Variants in MYO7B observed in about 807,000 individuals in gnomAD.
MYO7B encodes the protein unconventional myosin-VIIb.
In MYO7B, 212 loss-of-function variants were observed where a neutral mutation model predicts 259.7. The ratio of observed to expected loss-of-function variants is 0.82; its 90% confidence interval spans 0.73 to 0.91. The LOEUF (loss-of-function observed/expected upper bound fraction) is 0.91. MYO7B is among the 40% of genes least tolerant of loss of function. The pLI is 0.00. For missense variants in MYO7B, 2,732 were observed against 2,813.5 expected (o/e 0.97, Z 0.66); for synonymous variants, 1,197 against 1,166.4 (o/e 1.03, Z -0.54).
intron 6 of MYO7B, among the ~76,000 whole-genome samples, chr2:127,573,221 AG>A (rs1442541252): frequency 2.6e-5 from 4 of 152,248 alleles, no homozygotes; most frequent in Admixed American, 6.5e-5. Context: ...TCAGTCTTCT[AG>A]AACAAATCAA....
At chr2:127,599,762 G>A (rs1335799567) in intron 19 of MYO7B, among the ~76,000 whole-genome samples, 2 of 152,150 alleles carry the variant, frequency 1.3e-5, no homozygotes, top group African/African-American at 4.8e-5. Context: ...TGCATCAGTT[G>A]ATAATGATAT....
chr2:127,577,339 C>T lies in MYO7B; in HGVS notation c.849+631C>T, dbSNP rs559045462. 5.6e-4 allele frequency among the ~76,000 whole-genome samples: 85 copies of T among 152,314 alleles called. No homozygotes were observed. Among genetic ancestry groups the T allele is most frequent in the Non-Finnish European group, 1.1e-3 (76 of 68,014 alleles). ...CCTAGACTTCATGGGTCCCCCATCG[C>T]CAGTCTTGACCTCTAATCTGTCATC... On this transcript the variant is annotated intron_variant, in intron 8 of 47. Coordinates refer to ENST00000409816, the MANE Select transcript of MYO7B (RefSeq NM_001393586.1). The surrounding 1 kb of genome is among the most constrained non-coding windows in gnomAD (Gnocchi z 5.2).
intron 29 of MYO7B, among the ~76,000 whole-genome samples, 160 bp from the exon 30 acceptor site, chr2:127,623,933 C>T (rs1361150293): frequency 6.6e-6 from 1 of 152,302 alleles, no homozygotes; most frequent in East Asian, 1.9e-4. Flanking sequence ...GTGGAGAAGC[C>T]CTTCAGGTGT....
Position 127,633,333 on chromosome 2 carries a change from C to T in MYO7B, c.5481C>T (p.His1827=), listed in dbSNP as rs1396843922. 1 of 1,612,970 alleles carries T rather than the reference C, an allele frequency of 6.2e-7. No homozygotes were observed. The highest frequency in any genetic ancestry group is 1.7e-5 in the Admixed American group (1 of 59,978). The stretch of plus-strand genomic sequence containing the variant: ...AGCAGAACGTCTCCCGCATCTGCCA[C>T]AAGATCTACTTCCCCAATGACACCA... The part of the protein sequence containing the change: ...AAEQNVSRIC[H]KIYFPNDTSE... Residue 1827 remains histidine (H), a synonymous_variant, in exon 40 of 48, where the codon CAC becomes CAT. Coordinates refer to ENST00000409816, the MANE Select transcript of MYO7B (RefSeq NM_001393586.1).
chr2:127,573,606 G>A (rs1573639348), intron 6 of MYO7B, among the ~76,000 whole-genome samples: 2 of 152,292 alleles, frequency 1.3e-5, no homozygotes, highest in East Asian at 1.9e-4. Flanking sequence ...CGGCATTTAA[G>A]GCTCTGTGCC....
At chr2:127,563,118 C>T (rs1573624394) in intron 2 of MYO7B, among the ~76,000 whole-genome samples, 1 of 152,166 alleles carries the variant, frequency 6.6e-6, no homozygotes. Context: ...CAGTTGTCCC[C>T]CATCTAATTC....
At chr2:127,593,459 G>C in intron 17 of MYO7B, 87 bp from the exon 18 acceptor site, 2 of 1,301,898 alleles carry the variant, frequency 1.5e-6, no homozygotes, top group South Asian at 2.7e-5. Flanking sequence ...GGGAGCCTGT[G>C]GGAGAAGGAG....
chr2:127,633,697 C>T (rs1000050044), intron 40 of MYO7B, among the ~76,000 whole-genome samples: 1 of 152,184 alleles, frequency 6.6e-6, no homozygotes, highest in Non-Finnish European at 1.5e-5. Context: ...GGTATTCCCA[C>T]TGTGTGTGCC....
chr2:127,558,170 A>G (rs1237786455), intron 1 of MYO7B, among the ~76,000 whole-genome samples: 1 of 152,208 alleles, frequency 6.6e-6, no homozygotes, highest in Non-Finnish European at 1.5e-5. Context: ...AAACAATCCC[A>G]TCAAAAAGTG....
rs370974785 is a variant in MYO7B at position 127,592,835 on chromosome 2, G to T, written c.2034G>T (p.Ser678=). The change falls in exon 17 of 48, where the codon TCG becomes TCT. Residue 678 remains serine, a synonymous_variant. Coordinates refer to ENST00000409816, the MANE Select transcript of MYO7B (RefSeq NM_001393586.1). The stretch of plus-strand genomic sequence containing the variant: ...TGTGCCTGCGGCAGCTGCGATACTC[G>T]GGCATGATGGAGACCGTGCACATCC... ...RELCLRQLRY[S]GMMETVHIRK... is the part of the protein sequence containing the mutation. 2 of 1,610,180 alleles carry T rather than the reference G, an allele frequency of 1.2e-6. No individual in the cohort carries two copies. Among genetic ancestry groups the T allele is most frequent in the African/African-American group, 2.7e-5 (2 of 74,898 alleles).
rs1002846380 is a variant in MYO7B at position 127,576,481 on chromosome 2, G to A, written c.736-114G>A. ...TGGGTCAGTGCCAGAGCTGCTCCTG[G>A]CTGAGAGATGTGGAGCGGAGGCCAG... On this transcript the variant is annotated intron_variant, in intron 7 of 47. Transcript: ENST00000409816. This position sits in a 1 kb window ranked among gnomAD's most constrained non-coding sequence, Gnocchi z 4.9. 13 of 612,214 alleles carry A rather than the reference G, an allele frequency of 2.1e-5. No homozygotes were observed. The highest frequency in any genetic ancestry group is 1.1e-4 in the African/African-American group (6 of 52,554). The allele number at this position is 612,214 out of a possible 1,614,324, so 37.9% of individuals were successfully genotyped here.
Position 127,637,473 on chromosome 2 carries a change from A to G in MYO7B, c.*56A>G. On this transcript the variant is annotated 3_prime_UTR_variant, in exon 48 of 48. Transcript: ENST00000409816. ...CCTTCCCGACCTCTAGCCTGGCGGC[A>G]CCTTCCCAGGCCCTCTCAACCCAGG... The G allele has an allele frequency of 7.6e-7, 1 of 1,315,770 alleles. No individual in the cohort carries two copies. The allele number at this position is 1,315,770 out of a possible 1,614,324, so 81.5% of individuals were successfully genotyped here.
At chr2:127,573,042 G>A (rs1678713439) in intron 6 of MYO7B, among the ~76,000 whole-genome samples, 1 of 152,136 alleles carries the variant, frequency 6.6e-6, no homozygotes, top group Non-Finnish European at 1.5e-5. Context: ...GTTTCGTAAT[G>A]GTGGCACTTC....
rs376479682 is a variant in MYO7B at position 127,578,283 on chromosome 2, A to G, written c.1000A>G (p.Met334Val). 73 of 1,613,458 alleles carry G rather than the reference A, an allele frequency of 4.5e-5. No homozygotes were observed. In the African/African-American group the frequency reaches 4.7e-4, roughly 10 times the overall value. The part of the protein sequence containing the change: ...AILHLGNVGF[M>V]ASVFENLDAS... ...TCTCCACCTGGGGAATGTGGGGTTC[A>G]TGGGTAATGCCGGTTCTGCCCCAAC... The change falls in exon 9 of 48, where the codon ATG (methionine) becomes GTG (valine). Residue 334 changes from methionine (M) to valine (V), a missense_variant. Transcript: ENST00000409816.
In MYO7B at chr2:127,627,344, AC is replaced by A. The variant is rs774571753; in HGVS notation, c.4460+35del. ...CCTGAGGGAAGATCTCTTCTTACACACTGAGTCCTTGTGATGCATCTGGGGG... is the reference window on the plus strand; with the variant it reads ...CCTGAGGGAAGATCTCTTCTTACACATGAGTCCTTGTGATGCATCTGGGGG... On this transcript the variant is annotated intron_variant, in intron 33 of 47. Coordinates refer to ENST00000409816, the MANE Select transcript of MYO7B (RefSeq NM_001393586.1). This position sits in a 1 kb window ranked among gnomAD's most constrained non-coding sequence, Gnocchi z 5.6. 11 of 1,591,468 alleles carry A rather than the reference AC, an allele frequency of 6.9e-6. No individual in the cohort carries two copies. Among genetic ancestry groups the A allele is most frequent in the African/African-American group, 1.4e-5 (1 of 73,204 alleles).
At chr2:127,579,417 G>A (rs1679012080) in intron 9 of MYO7B, among the ~76,000 whole-genome samples, 1 of 152,176 alleles carries the variant, frequency 6.6e-6, no homozygotes, top group Non-Finnish European at 1.5e-5. Flanking sequence ...GCTGCAGCTG[G>A]GCTGATCTGT....
rs1300680914 is a variant in MYO7B, at chr2:127,569,900, C to T, written c.582C>T (p.Pro194=). Residue 194 remains proline (P), a synonymous_variant, in exon 6 of 48, where the codon CCC becomes CCT. Coordinates refer to ENST00000409816, the MANE Select transcript of MYO7B (RefSeq NM_001393586.1). ...AGCAGCAGGTCCTGGAAGCCAACCC[C>T]ATCCTGGAGGGTAAGCATCACTCTG... ...WIEQQVLEAN[P]ILEAFGNAKT... 1 of 1,612,324 alleles carries T rather than the reference C, an allele frequency of 6.2e-7. No homozygotes were observed. Among genetic ancestry groups the T allele is most frequent in the Non-Finnish European group, 8.5e-7 (1 of 1,179,156 alleles).
Position 127,559,273 on chromosome 2 carries a change from T to C in MYO7B, c.-23-427T>C, listed in dbSNP as rs926524208. Among the ~76,000 whole-genome samples the C allele has an allele frequency of 2.6e-5, 4 of 152,206 alleles. No individual in the cohort carries two copies. Among genetic ancestry groups the C allele is most frequent in the Non-Finnish European group, 5.9e-5 (4 of 68,028 alleles). On this transcript the variant is annotated intron_variant, in intron 1 of 47. Transcript: ENST00000409816. The surrounding 1 kb of genome is among the most constrained non-coding windows in gnomAD (Gnocchi z 4.1). ...GTGGCATTTCCTGCATTGAGTCCCATGTCTAAAGTGAGGGAACACGCACAT... is the reference window on the plus strand; with the variant it reads ...GTGGCATTTCCTGCATTGAGTCCCACGTCTAAAGTGAGGGAACACGCACAT...
Position 127,546,619 on chromosome 2 carries a change from C to T in MYO7B, c.-24+10788C>T, listed in dbSNP as rs981836415. On this transcript the variant is annotated intron_variant, in intron 1 of 47. Transcript: ENST00000409816. This position sits in a 1 kb window ranked among gnomAD's most constrained non-coding sequence, Gnocchi z 4.2. ...TGAGATTAGGTAGGACACTGATCCC[C>T]GTAAGCTCAGCCACACTGACCTGCC... 2.0e-5 allele frequency among the ~76,000 whole-genome samples: 3 copies of T among 152,172 alleles called. No individual in the cohort carries two copies. The highest frequency in any genetic ancestry group is 6.5e-5 in the Admixed American group (1 of 15,280).
Sources: allele counts gnomAD v4.1 joint callset (sites outside exome capture counted in the v4.1 genomes callset), GRCh38; gene constraint gnomAD v4.1.1; non-coding constraint Gnocchi (gnomAD v3.1); transcripts MANE v1.5; gene names NCBI Gene and HGNC (gene_info 2026-07-23, HGNC 2026-07-21).